The following CACNA2D3 variants were observed in gnomAD, a reference collection of about 807,000 sequenced individuals.
CACNA2D3 encodes voltage-dependent calcium channel subunit alpha-2/delta-3.
CACNA2D3 carries 60 observed loss-of-function variants against 160.6 expected under a neutral mutation model. The observed-to-expected ratio is 0.37, with a 90% confidence interval of 0.30 to 0.46. The LOEUF (loss-of-function observed/expected upper bound fraction) is 0.46. Ranked by LOEUF, CACNA2D3 falls within the 20% of genes least tolerant of loss-of-function variation. CACNA2D3 has a pLI of 1.00. For synonymous variants in CACNA2D3, 558 were observed against 492.9 expected, an observed-to-expected ratio of 1.13 and a Z score of -1.75; for missense variants, 1,205 against 1,365.0, an observed-to-expected ratio of 0.88 and a Z score of 1.85.
chr3:54,820,997 T>G (rs1703579160), intron 14 of CACNA2D3, among the ~76,000 whole-genome samples: 1 of 152,122 alleles, frequency 6.6e-6, no homozygotes, highest in South Asian at 2.1e-4. Flanking sequence ...GGCCCGAATG[T>G]TTAAAGTCAA....
At chr3:54,365,474 C>G (rs1698812525) in intron 3 of CACNA2D3, among the ~76,000 whole-genome samples, 1 of 152,192 alleles carries the variant, frequency 6.6e-6, no homozygotes, top group Non-Finnish European at 1.5e-5. Context: ...TTTCCTCCTT[C>G]CCTTTCTTCT....
At chr3:54,998,260 C>T (rs570538105) in intron 31 of CACNA2D3, among the ~76,000 whole-genome samples, 14 of 151,688 alleles carry the variant, frequency 9.2e-5, no homozygotes, top group Non-Finnish European at 1.9e-4. Context: ...CTTAGCCTGC[C>T]GAGTAGCTGG....
At chr3:54,804,338 T>G (rs1703064899) in intron 13 of CACNA2D3, among the ~76,000 whole-genome samples, 1 of 151,334 alleles carries the variant, frequency 6.6e-6, no homozygotes, top group Non-Finnish European at 1.5e-5. Flanking sequence ...ACACATAGGC[T>G]CAAAATAAAA....
intron 3 of CACNA2D3, among the ~76,000 whole-genome samples, chr3:54,323,868 C>G (rs1704065282): frequency 6.6e-6 from 1 of 152,182 alleles, no homozygotes; most frequent in Non-Finnish European, 1.5e-5. Context: ...TCCAAGCCCC[C>G]ATCCCCCTCC....
chr3:54,386,756 A>G lies in CACNA2D3; in HGVS notation c.363A>G (p.Glu121=). The change falls in exon 4 of 38, where the codon GAA becomes GAG. Residue 121 remains glutamate, a synonymous_variant. Transcript: ENST00000474759. ...EAAEEAHLKH[E]FDADLQYEYF... is the part of the protein sequence containing the mutation. The stretch of plus-strand genomic sequence containing the variant: ...CAGAAGAAGCACACCTGAAACATGA[A>G]TTTGATGCAGACTTACAGGTAACTG... The G allele has an allele frequency of 3.8e-6, 6 of 1,590,696 alleles. No homozygotes were observed. The highest frequency in any genetic ancestry group is 5.1e-6 in the Non-Finnish European group (6 of 1,169,088).
At chr3:54,249,916 T>TG (rs1702154550) in intron 2 of CACNA2D3, among the ~76,000 whole-genome samples, 1 of 152,216 alleles carries the variant, frequency 6.6e-6, no homozygotes, top group South Asian at 2.1e-4. Flanking sequence ...TTTGCTATCA[T>TG]GGTGTCCCCT....
At chr3:55,039,277 A>C (rs1703906590) in intron 35 of CACNA2D3, among the ~76,000 whole-genome samples, 2 of 152,128 alleles carry the variant, frequency 1.3e-5, no homozygotes, top group South Asian at 4.1e-4. Context: ...GCACTATGCT[A>C]TTCTCTTATC....
chr3:54,606,068 A>G (rs577171153), intron 9 of CACNA2D3, among the ~76,000 whole-genome samples: 91 of 152,286 alleles, frequency 6.0e-4, no homozygotes, highest in Non-Finnish European at 1.2e-3. Context: ...AGAACATAGC[A>G]ATGAATCAGG....
At chr3:54,452,819 G>A (rs945736676) in intron 4 of CACNA2D3, among the ~76,000 whole-genome samples, 87 of 152,250 alleles carry the variant, frequency 5.7e-4, no homozygotes, top group African/African-American at 2.0e-3. Context: ...ATTATCCCTT[G>A]CCTCTTCTGG....
At chr3:55,009,558 A>AT (rs1703166216) in intron 34 of CACNA2D3, 115 bp downstream of exon 34, 1 of 973,662 alleles carries the variant, frequency 1.0e-6, no homozygotes, top group South Asian at 1.4e-5. Flanking sequence ...CAAAGTGATG[A>AT]TTTTTCAGCT....
At chr3:54,940,598 G>C (rs1701440800) in intron 27 of CACNA2D3, among the ~76,000 whole-genome samples, 1 of 152,118 alleles carries the variant, frequency 6.6e-6, no homozygotes, top group African/African-American at 2.4e-5. Context: ...CCTTGCTACA[G>C]GCTACTCCCA....
intron 5 of CACNA2D3, among the ~76,000 whole-genome samples, chr3:54,539,228 T>C (rs898324444): frequency 1.3e-5 from 2 of 152,244 alleles, no homozygotes; most frequent in African/African-American, 4.8e-5. Flanking sequence ...GTGTGCATAA[T>C]AGGACCTTTA....
chr3:54,871,182 GACACACACACACACACACACACACAC>G (rs376258511), intron 17 of CACNA2D3, among the ~76,000 whole-genome samples: 1 of 127,712 alleles, frequency 7.8e-6, no homozygotes, highest in Non-Finnish European at 1.6e-5. Context: ...TATAGGTGGA[GACACACACACACACACACACACACAC>G]ACACACACAC....
In CACNA2D3 at chr3:54,223,723, A is replaced by G. The variant is rs1701617153; in HGVS notation, c.205-96719A>G. On this transcript the variant is annotated intron_variant, in intron 2 of 37. Coordinates refer to ENST00000474759, the MANE Select transcript of CACNA2D3 (RefSeq NM_018398.3). The stretch of plus-strand genomic sequence containing the variant: ...ACAAAAATTTGTGGGGCGTAGTGGC[A>G]CGTGCTGAATCCCGTCTACTCAGGA... Among the ~76,000 whole-genome samples the G allele has an allele frequency of 2.6e-5, 4 of 152,040 alleles. No homozygotes were observed. In the South Asian group the frequency reaches 8.3e-4, roughly 32 times the overall value.
In CACNA2D3 at chr3:54,479,990, C is replaced by T. The variant is rs533372975; in HGVS notation, c.382-23502C>T. Among the ~76,000 whole-genome samples the T allele has an allele frequency of 8.3e-4, 126 of 152,186 alleles. 1 individual carries two copies. In the Middle Eastern group the frequency reaches 0.031, roughly 37 times the overall value. On this transcript the variant is annotated intron_variant, in intron 4 of 37. Coordinates refer to ENST00000474759, the MANE Select transcript of CACNA2D3 (RefSeq NM_018398.3). ...AATTTCTTCTCCTCTCAATCTTTAGCCAAAATATGAGAATTGTAGGAAATT... is the reference window on the plus strand; with the variant it reads ...AATTTCTTCTCCTCTCAATCTTTAGTCAAAATATGAGAATTGTAGGAAATT...
intron 13 of CACNA2D3, among the ~76,000 whole-genome samples, chr3:54,807,967 A>G (rs1399101557): frequency 6.8e-6 from 1 of 146,092 alleles, no homozygotes; most frequent in Non-Finnish European, 1.5e-5. Flanking sequence ...AAAAAACCAA[A>G]CACCGCATAT....
intron 5 of CACNA2D3, among the ~76,000 whole-genome samples, chr3:54,556,133 G>A (rs1185347172): frequency 6.6e-6 from 1 of 152,064 alleles, no homozygotes; most frequent in Non-Finnish European, 1.5e-5. Flanking sequence ...TTGAACATTG[G>A]TCCCAAAAAA....
At chr3:55,017,704 T>C (rs571380406) in intron 34 of CACNA2D3, among the ~76,000 whole-genome samples, 9 of 152,324 alleles carry the variant, frequency 5.9e-5, no homozygotes, top group African/African-American at 2.2e-4. Flanking sequence ...ACATGTTGTA[T>C]TATTGGACAG....
At position 55,073,592 on chromosome 3, in the gene CACNA2D3, G is replaced by A. The variant is rs116503608; in HGVS notation, c.3100+35G>A. 374 of 1,528,776 alleles carry A rather than the reference G, an allele frequency of 2.4e-4. 2 individuals are homozygous for A. The African/African-American group carries it at 3.4e-3, about 14-fold the overall frequency. The allele number at this position is 1,528,776 out of a possible 1,614,324, so 94.7% of individuals were successfully genotyped here. On this transcript the variant is annotated intron_variant, in intron 36 of 37. Transcript: ENST00000474759. ...TGTGTGCAGGTCCACTCACTACCAC[G>A]GAAACCAGTAAGGGGTATCAGTGGT...
Sources: allele counts gnomAD v4.1 joint callset (sites outside exome capture counted in the v4.1 genomes callset), GRCh38; gene constraint gnomAD v4.1.1; transcripts MANE v1.5; gene names NCBI Gene and HGNC (gene_info 2026-07-23, HGNC 2026-07-21).